SLC2A10: variants seen among roughly 807,000 people sequenced by gnomAD.
SLC2A10 encodes the protein solute carrier family 2, facilitated glucose transporter member 10.
SLC2A10 carries 25 observed loss-of-function variants against 32.1 expected under a neutral mutation model. The ratio of observed to expected loss-of-function variants is 0.78; its 90% confidence interval spans 0.57 to 1.09. SLC2A10 has a LOEUF of 1.09. SLC2A10 is among the 50% of genes least tolerant of loss of function. The pLI is 0.00. For synonymous variants in SLC2A10, 332 were observed against 309.6 expected (o/e 1.07, Z -0.76); for missense variants, 673 against 686.5 (o/e 0.98, Z 0.22).
At chr20:46,732,202 G>T (rs893205855) in intron 4 of SLC2A10, among the ~76,000 whole-genome samples, 3 of 152,278 alleles carry the variant, frequency 2.0e-5, no homozygotes, top group East Asian at 3.9e-4. Flanking sequence ...ATCAATCAAT[G>T]GCAATTGGTT....
At chr20:46,731,704 GTGTTTTATCATCTC>G (rs1339141718) in intron 4 of SLC2A10, among the ~76,000 whole-genome samples, 7 of 152,256 alleles carry the variant, frequency 4.6e-5, no homozygotes, top group Admixed American at 1.3e-4. Context: ...AGGCAGGTCT[GTGTTTTATCATCTC>G]TGTCCCTAGA....
chr20:46,727,119 A>G, intron 3 of SLC2A10, 133 bp downstream of exon 3: 1 of 1,246,868 alleles, frequency 8.0e-7, no homozygotes, highest in Non-Finnish European at 1.2e-6. Flanking sequence ...CAAATGTCCA[A>G]GACGACATCC....
chr20:46,726,405 A>C, intron 2 of SLC2A10, 81 bp downstream of exon 2: 3 of 1,550,394 alleles, frequency 1.9e-6, no homozygotes, highest in Non-Finnish European at 2.6e-6. Context: ...CACCCTGATG[A>C]CCTGGCAGGG....
Position 46,725,389 on chromosome 20 carries a change from C to T in SLC2A10, c.353C>T (p.Ala118Val), listed in dbSNP as rs777321554. ...TTCGCCATTTCCCTCTCCTCCATGG[C>T]TTGCTGTATCTACGTGTCAGAGCTG... is the stretch of plus-strand genomic sequence containing the variant. ...VGFAISLSSM[A>V]CCIYVSELVG... The change falls in exon 2 of 5, where the codon GCT becomes GTT. Residue 118 changes from alanine (A) to valine (V), a missense_variant. Transcript: ENST00000359271. The T allele has an allele frequency of 1.2e-6, 2 of 1,614,204 alleles. No individual in the cohort carries two copies. Among genetic ancestry groups the T allele is most frequent in the African/African-American group, 1.3e-5 (1 of 75,070 alleles).
upstream of SLC2A10, chr20:46,709,360 A>C: frequency 3.1e-6 from 1 of 319,976 alleles, no homozygotes. Flanking sequence ...GGCCAGGGGA[A>C]GACAGTGCGT....
At chr20:46,711,617 A>G (rs1978917278) in intron 1 of SLC2A10, among the ~76,000 whole-genome samples, 1 of 152,264 alleles carries the variant, frequency 6.6e-6, no homozygotes, top group Admixed American at 6.5e-5. Flanking sequence ...AGTGCCTTCT[A>G]TGGGCAGAGC....
At chr20:46,710,063 T>G in intron 1 of SLC2A10, 1 of 479,190 alleles carries the variant, frequency 2.1e-6, no homozygotes, top group South Asian at 3.7e-5. Flanking sequence ...GGTCTGCAGA[T>G]GAAGAAATGG....
chr20:46,716,154 T>C (rs1315309558), intron 1 of SLC2A10, among the ~76,000 whole-genome samples: 2 of 137,526 alleles, frequency 1.5e-5, no homozygotes, highest in Non-Finnish European at 3.2e-5. Context: ...GGGTGAGAAC[T>C]TTTTTTTTTT....
chr20:46,724,146 A>C (rs527872904), intron 1 of SLC2A10, among the ~76,000 whole-genome samples: 2 of 152,276 alleles, frequency 1.3e-5, no homozygotes, highest in East Asian at 3.9e-4. Context: ...CTACTCCATC[A>C]ACCTTAATTC....
Position 46,726,383 on chromosome 20 carries a change from T to C in SLC2A10, c.1288+59T>C, listed in dbSNP as rs557052904. 1,284 of 1,582,850 alleles carry C rather than the reference T, an allele frequency of 8.1e-4. 1 individual carries two copies. The highest frequency in any genetic ancestry group is 1.0e-3 in the Non-Finnish European group (1,216 of 1,172,020). On this transcript the variant is annotated intron_variant, in intron 2 of 4. Transcript: ENST00000359271. ...ACTTCTACCCCTCCTAGGGGGAAGT[T>C]TGGGGACTTCCCACCCTGATGACCT...
rs181625962 is a variant in SLC2A10 at position 46,721,606 on chromosome 20, G to T, written c.5-3435G>T. Reference sequence around the variant, plus strand: ...GGTTGGCTCATGTAACGAGAGCCCAGTGGATTGGGTAAGCTTCAGGCACTG... The same window carrying T: ...GGTTGGCTCATGTAACGAGAGCCCATTGGATTGGGTAAGCTTCAGGCACTG... On this transcript the variant is annotated intron_variant, in intron 1 of 4. Coordinates refer to ENST00000359271, the MANE Select transcript of SLC2A10 (RefSeq NM_030777.4). Among the ~76,000 whole-genome samples the T allele has an allele frequency of 5.9e-5, 9 of 152,320 alleles. 1 individual carries two copies. The highest frequency in any genetic ancestry group is 1.9e-4 in the African/African-American group (8 of 41,572).
In SLC2A10 at chr20:46,736,336, A is replaced by G. The variant is rs1457037796; in HGVS notation, c.*2502A>G. 2 of 152,092 alleles carry G rather than the reference A, an allele frequency of 1.3e-5. No homozygotes were observed. Among genetic ancestry groups the G allele is most frequent in the Non-Finnish European group, 2.9e-5 (2 of 68,028 alleles). 9.4% of individuals were successfully genotyped at this position (152,092 alleles called of 1,614,324 possible). A position where few individuals can be genotyped will look rare whatever the true frequency, so the allele number is the denominator to read the frequency against. On this transcript the variant is annotated 3_prime_UTR_variant, in exon 5 of 5. Coordinates refer to ENST00000359271, the MANE Select transcript of SLC2A10 (RefSeq NM_030777.4). ...GAGTATTTACAATAAAGAGTTTGTT[A>G]TTATTTGTAAATTGTGTGCAACAAA...
At chr20:46,728,116 A>G (rs1235956177) in intron 3 of SLC2A10, among the ~76,000 whole-genome samples, 1 of 151,856 alleles carries the variant, frequency 6.6e-6, no homozygotes, top group Non-Finnish European at 1.5e-5. Context: ...GGGAGGGAGG[A>G]AGGAAGGAAG....
At chr20:46,731,025 C>T (rs1179384642) in intron 4 of SLC2A10, among the ~76,000 whole-genome samples, 1 of 152,204 alleles carries the variant, frequency 6.6e-6, no homozygotes, top group Non-Finnish European at 1.5e-5. Context: ...AATGTTCTCT[C>T]CTACTTTGTT....
intron 4 of SLC2A10, among the ~76,000 whole-genome samples, chr20:46,730,775 G>C (rs1262879089): frequency 1.3e-5 from 2 of 152,158 alleles, no homozygotes; most frequent in African/African-American, 4.8e-5. Flanking sequence ...AGTGAAATGG[G>C]AGCTTCAGAA....
Position 46,726,269 on chromosome 20 carries a change from C to T in SLC2A10, c.1233C>T (p.Thr411=), listed in dbSNP as rs778452693. The change falls in exon 2 of 5, where the codon ACC becomes ACT. Residue 411 remains threonine, a synonymous_variant. Coordinates refer to ENST00000359271, the MANE Select transcript of SLC2A10 (RefSeq NM_030777.4). ...GGGGGCATGCACTGCTGCGCTGGACCGCACTGCTGTGCCTGATGGTCTTTG... is the reference window on the plus strand; with the variant it reads ...GGGGGCATGCACTGCTGCGCTGGACTGCACTGCTGTGCCTGATGGTCTTTG... ...PARGHALLRW[T]ALLCLMVFVS... is the part of the protein sequence containing the mutation. 26 of 1,612,904 alleles carry T rather than the reference C, an allele frequency of 1.6e-5. No individual in the cohort carries two copies. The highest frequency in any genetic ancestry group is 9.9e-5 in the South Asian group (9 of 91,092).
In SLC2A10 at chr20:46,726,132, C is replaced by T. The variant is rs774664650; in HGVS notation, c.1096C>T (p.Pro366Ser). The change falls in exon 2 of 5, where the codon CCA becomes TCA. Residue 366 changes from proline (P) to serine (S), a missense_variant. Coordinates refer to ENST00000359271, the MANE Select transcript of SLC2A10 (RefSeq NM_030777.4). ...IPRTNEDQRE[P>S]ILSTAKKTKP... is the part of the protein sequence containing the mutation. ...AAGGACCAATGAGGACCAAAGGGAGCCAATCTTGTCCACTGCTAAGAAAAC... is the reference window on the plus strand; with the variant it reads ...AAGGACCAATGAGGACCAAAGGGAGTCAATCTTGTCCACTGCTAAGAAAAC... 1 of 1,614,126 alleles carries T rather than the reference C, an allele frequency of 6.2e-7. No homozygotes were observed. The highest frequency in any genetic ancestry group is 1.3e-5 in the African/African-American group (1 of 74,948).
intron 4 of SLC2A10, among the ~76,000 whole-genome samples, chr20:46,732,008 A>G (rs1375157344): frequency 6.6e-6 from 1 of 152,172 alleles, no homozygotes; most frequent in Non-Finnish European, 1.5e-5. Context: ...GCCACATGCC[A>G]CGTTCCCCAA....
intron 1 of SLC2A10, among the ~76,000 whole-genome samples, chr20:46,713,418 A>C (rs1240310586): frequency 6.6e-6 from 1 of 151,636 alleles, no homozygotes; most frequent in Non-Finnish European, 1.5e-5. Flanking sequence ...GAAGGAAGGA[A>C]CTGTTGGCAT....
Sources: gnomAD v4.1 joint callset for allele counts (sites outside exome capture counted in the v4.1 genomes callset) on GRCh38, gnomAD v4.1.1 for gene constraint, MANE v1.5 for transcripts, NCBI Gene and HGNC (gene_info 2026-07-23, HGNC 2026-07-21) for gene names.